The following C5 variants were observed in gnomAD, a reference collection of about 807,000 sequenced individuals.
C5 encodes the protein complement C5.
A neutral mutation model predicts 218.8 loss-of-function variants in C5; 140 were observed. The observed-to-expected ratio is 0.64, with a 90% confidence interval of 0.56 to 0.74. The LOEUF (loss-of-function observed/expected upper bound fraction) is 0.74. C5 is among the 30% of genes least tolerant of loss of function. The pLI is 0.00. For missense variants in C5, 1,700 were observed against 1,969.6 expected (o/e 0.86, Z 2.59); for synonymous variants, 614 against 682.3 (o/e 0.90, Z 1.56).
At chr9:120,982,566 C>A (rs896010878) in intron 26 of C5, 89 bp downstream of exon 26, 23 of 993,514 alleles carry the variant, frequency 2.3e-5, no homozygotes, top group African/African-American at 4.9e-5. Flanking sequence ...ACATTTTTTT[C>A]TTCTTCTTCT....
At chr9:121,051,576 AATGAG>A (rs1260306219), upstream of C5, among the ~76,000 whole-genome samples, 1 of 152,202 alleles carries the variant, frequency 6.6e-6, no homozygotes, top group Non-Finnish European at 1.5e-5. Flanking sequence ...ATATTTCTAT[AATGAG>A]ATATTTATGA....
intron 22 of C5, among the ~76,000 whole-genome samples, chr9:120,991,643 A>C (rs1292129474): frequency 6.6e-6 from 1 of 152,218 alleles, no homozygotes; most frequent in Non-Finnish European, 1.5e-5. Flanking sequence ...TTAATCAACT[A>C]TATATTGAAC....
At position 120,988,940 on chromosome 9, in the gene C5, G is replaced by A. The variant is rs140721682; in HGVS notation, c.3230+106C>T. On this transcript the variant is annotated intron_variant, in intron 25 of 40. Transcript: ENST00000223642. Reference sequence around the variant, plus strand: ...GAGAAAGAGAGGAGTGAAGGATGACGAGGCTTTTAGCCTGAGCAACTGGAG... The same window carrying A: ...GAGAAAGAGAGGAGTGAAGGATGACAAGGCTTTTAGCCTGAGCAACTGGAG... 131 of 830,388 alleles carry A rather than the reference G, an allele frequency of 1.6e-4. 2 individuals are homozygous for A. The highest frequency in any genetic ancestry group is 1.4e-3 in the Middle Eastern group (6 of 4,206). The allele number at this position is 830,388 out of a possible 1,614,324, so 51.4% of individuals were successfully genotyped here. A position where few individuals can be genotyped will look rare whatever the true frequency, so the allele number is the denominator to read the frequency against.
At chr9:121,020,267 T>C in intron 11 of C5, 88 bp from the exon 12 acceptor site, 1 of 1,030,500 alleles carries the variant, frequency 9.7e-7, no homozygotes, top group Non-Finnish European at 1.5e-6. Context: ...CCTTGCTTTA[T>C]AAATTTCTAA....
At chr9:121,030,162 T>C (rs752409254) in intron 7 of C5, among the ~76,000 whole-genome samples, 29 of 152,232 alleles carry the variant, frequency 1.9e-4, no homozygotes, top group Non-Finnish European at 3.7e-4. Context: ...CTTAGATCTT[T>C]GGCACTTTTC....
the C5 span, among the ~76,000 whole-genome samples, chr9:121,055,455 T>C: frequency 6.6e-6 from 1 of 152,084 alleles, no homozygotes; most frequent in Non-Finnish European, 1.5e-5. Flanking sequence ...CTTCAGGTAC[T>C]GATGCTTGGG....
At chr9:120,992,778 C>A (rs1222502681) in intron 22 of C5, among the ~76,000 whole-genome samples, 1 of 152,102 alleles carries the variant, frequency 6.6e-6, no homozygotes, top group African/African-American at 2.4e-5. Flanking sequence ...AATAAAATAT[C>A]CAGCAATGTC....
At chr9:121,074,398 T>G in the C5 span, among the ~76,000 whole-genome samples, 1 of 152,184 alleles carries the variant, frequency 6.6e-6, no homozygotes, top group Non-Finnish European at 1.5e-5. Context: ...ATCCTCTGCC[T>G]AGGATTCCCA....
chr9:121,008,430 C>T lies in C5; in HGVS notation c.2326G>A (p.Glu776Lys). The T allele has an allele frequency of 1.9e-6, 3 of 1,613,442 alleles. No homozygotes were observed. Among genetic ancestry groups the T allele is most frequent in the Non-Finnish European group, 2.5e-6 (3 of 1,179,536 alleles). ...TACCTTCTGGGAACAAGATGAACTT[C>T]CCACAACCAGCTTTCTGGAAAATAA... is the stretch of plus-strand genomic sequence containing the variant. ...RSYFPESWLW[E>K]VHLVPRRKQL... is the part of the protein sequence containing the mutation. Residue 776 changes from glutamate to lysine, a missense_variant, in exon 18 of 41, where the codon GAA becomes AAA. By Grantham distance (56) the Glu-to-Lys change is moderately conservative. Coordinates refer to ENST00000223642, the MANE Select transcript of C5 (RefSeq NM_001735.3).
the C5 span, among the ~76,000 whole-genome samples, chr9:121,069,810 A>G: frequency 6.6e-6 from 1 of 152,118 alleles, no homozygotes; most frequent in Non-Finnish European, 1.5e-5. Flanking sequence ...CACCTTGCCC[A>G]GCCAGAAAAA....
chr9:121,072,872 G>A, the C5 span, among the ~76,000 whole-genome samples: 1 of 150,854 alleles, frequency 6.6e-6, no homozygotes. Flanking sequence ...CTTAAGTGGA[G>A]CTTTTCAAAA....
At chr9:120,970,321 ACTG>A in intron 31 of C5, 70 bp from the exon 32 acceptor site, 1 of 973,932 alleles carries the variant, frequency 1.0e-6, no homozygotes, top group South Asian at 1.3e-5. Context: ...TTATGGCAAC[ACTG>A]CTGCTGCAGA....
chr9:121,054,609 T>C (rs1001482074), upstream of C5, among the ~76,000 whole-genome samples: 2 of 152,082 alleles, frequency 1.3e-5, no homozygotes, highest in African/African-American at 2.4e-5. Context: ...TCAAAATAAA[T>C]AAATAAATAA....
At chr9:120,982,583 T>C in intron 26 of C5, 72 bp downstream of exon 26, 1 of 1,183,098 alleles carries the variant, frequency 8.5e-7, no homozygotes, top group Non-Finnish European at 1.2e-6. Context: ...TTCTTCATCC[T>C]CCCATAATCA....
chr9:120,963,005 T>C (rs767353203), intron 34 of C5, 38 bp from the exon 35 acceptor site: 7 of 1,521,430 alleles, frequency 4.6e-6, no homozygotes, highest in Non-Finnish European at 5.5e-6. Context: ...TTTCATTTCA[T>C]TATCTTTTTG....
intron 38 of C5, among the ~76,000 whole-genome samples, chr9:120,958,856 G>T (rs2046805758): frequency 6.6e-6 from 1 of 152,048 alleles, no homozygotes; most frequent in Non-Finnish European, 1.5e-5. Flanking sequence ...GAGTGCAATG[G>T]CTTACTGCAA....
intron 5 of C5, among the ~76,000 whole-genome samples, chr9:121,033,902 T>C (rs41308016): frequency 0.01 from 1,531 of 149,138 alleles, 33 homozygotes; most frequent in African/African-American, 0.037. Context: ...TCCCTCTTTC[T>C]TTCCTTCCTT....
chr9:121,030,595 CACA>C, intron 6 of C5, 108 bp from the exon 7 acceptor site: 1 of 633,374 alleles, frequency 1.6e-6, no homozygotes, highest in South Asian at 1.9e-5. Context: ...GTAACATCAA[CACA>C]ACATCCACTT....
chr9:121,036,830 G>C (rs1200832097), intron 4 of C5, among the ~76,000 whole-genome samples: 1 of 151,364 alleles, frequency 6.6e-6, no homozygotes, highest in Non-Finnish European at 1.5e-5. Context: ...TTGTTCTGTA[G>C]TATCTATGCT....
Sources: allele counts gnomAD v4.1 joint callset (sites outside exome capture counted in the v4.1 genomes callset), GRCh38; gene constraint gnomAD v4.1.1; transcripts MANE v1.5; gene names NCBI Gene and HGNC (gene_info 2026-07-23, HGNC 2026-07-21).